The following SGCD variants were observed in gnomAD, a reference collection of about 807,000 sequenced individuals.
The protein encoded by SGCD is sarcoglycan delta, also known as delta-sarcoglycan.
A neutral mutation model predicts 36.6 loss-of-function variants in SGCD; 18 were observed. The ratio of observed to expected loss-of-function variants is 0.49; its 90% CI spans 0.34 to 0.73. SGCD has a LOEUF of 0.73. Among genes scored for constraint, SGCD ranks in the 30% least tolerant of loss-of-function variants. The pLI, the probability that SGCD is intolerant of heterozygous loss-of-function variation, is 0.01. For synonymous variants in SGCD, 133 were observed against 130.6 expected (o/e 1.02, Z -0.12); for missense variants, 387 against 346.7 (o/e 1.12, Z -0.92).
At chr5:155,919,643 T>G (rs1561650047) in intron 1 of SGCD, among the ~76,000 whole-genome samples, 1 of 152,184 alleles carries the variant, frequency 6.6e-6, no homozygotes, top group African/African-American at 2.4e-5. Flanking sequence ...CTAAAATAGA[T>G]CATTCATCAT....
chr5:155,870,035 A>G (rs1755602070), upstream of SGCD, among the ~76,000 whole-genome samples: 1 of 152,026 alleles, frequency 6.6e-6, no homozygotes, highest in Non-Finnish European at 1.5e-5. Context: ...CAAAAAGGGA[A>G]CCGTCTTGCA....
intron 3 of SGCD, among the ~76,000 whole-genome samples, chr5:156,418,862 T>C (rs1300367910): frequency 2.0e-5 from 3 of 152,234 alleles, no homozygotes; most frequent in Admixed American, 2.0e-4. Flanking sequence ...CTTCTATTGC[T>C]AGACCAGTGT....
chr5:156,615,556 T>G (rs1184288294), intron 6 of SGCD, among the ~76,000 whole-genome samples: 1 of 152,138 alleles, frequency 6.6e-6, no homozygotes, highest in Non-Finnish European at 1.5e-5. Context: ...ACGTGGCAAA[T>G]GATAATTTCA....
chr5:156,169,272 T>C (rs763635938), intron 3 of SGCD, among the ~76,000 whole-genome samples: 2 of 152,220 alleles, frequency 1.3e-5, no homozygotes, highest in Non-Finnish European at 2.9e-5. Context: ...AGGCCTCCTC[T>C]TGGGCCCCGA....
chr5:156,266,225 T>C (rs1012427817), intron 3 of SGCD, among the ~76,000 whole-genome samples: 7 of 152,244 alleles, frequency 4.6e-5, no homozygotes, highest in Admixed American at 1.3e-4. Flanking sequence ...AGGTGTTAAA[T>C]TGACTGAATG....
chr5:156,035,529 G>C (rs1759467995), intron 1 of SGCD, among the ~76,000 whole-genome samples: 1 of 152,090 alleles, frequency 6.6e-6, no homozygotes, highest in Non-Finnish European at 1.5e-5. Flanking sequence ...AGAATCACTT[G>C]AACATAGATG....
chr5:156,126,100 C>T (rs1027271865), intron 3 of SGCD, among the ~76,000 whole-genome samples: 7 of 151,878 alleles, frequency 4.6e-5, no homozygotes, highest in African/African-American at 1.5e-4. Flanking sequence ...ACGCTGGTCT[C>T]GAACTCCTGA....
At chr5:156,684,378 G>C (rs909369194) in intron 7 of SGCD, among the ~76,000 whole-genome samples, 1 of 152,130 alleles carries the variant, frequency 6.6e-6, no homozygotes, top group Non-Finnish European at 1.5e-5. Flanking sequence ...GATGAGGGTT[G>C]AATAGTCTTT....
At chr5:156,093,553 C>T (rs545894880) in intron 1 of SGCD, among the ~76,000 whole-genome samples, 124 of 152,294 alleles carry the variant, frequency 8.1e-4, no homozygotes, top group South Asian at 2.9e-3. Flanking sequence ...TTTAAACTCT[C>T]GTTTGGGCAT....
At chr5:156,567,226 A>G (rs562247167) in intron 4 of SGCD, among the ~76,000 whole-genome samples, 1 of 152,056 alleles carries the variant, frequency 6.6e-6, no homozygotes, top group South Asian at 2.1e-4. Context: ...TTTTCAATAT[A>G]TTTACTACCT....
At chr5:155,765,290 G>GAGAA in the SGCD span, among the ~76,000 whole-genome samples, 13 of 148,046 alleles carry the variant, frequency 8.8e-5, no homozygotes, top group African/African-American at 2.7e-4. Context: ...AAGAAAGAAA[G>GAGAA]AGAAAGAAAG....
intron 3 of SGCD, among the ~76,000 whole-genome samples, chr5:156,419,178 A>G (rs1468400370): frequency 6.6e-6 from 1 of 152,190 alleles, no homozygotes; most frequent in Non-Finnish European, 1.5e-5. Context: ...GTATTTGACC[A>G]CATGGGTTCA....
intron 1 of SGCD, among the ~76,000 whole-genome samples, chr5:155,958,508 C>A (rs752054275): frequency 6.6e-6 from 1 of 152,096 alleles, no homozygotes; most frequent in African/African-American, 2.4e-5. Context: ...ACTTCTCAAC[C>A]AGATTTTGTG....
At chr5:156,162,148 C>CAAGG (rs1290460487) in intron 3 of SGCD, among the ~76,000 whole-genome samples, 1 of 151,268 alleles carries the variant, frequency 6.6e-6, no homozygotes, top group African/African-American at 2.5e-5. Context: ...AGAGGTAAGC[C>CAAGG]AAGGAAGGAA....
intron 1 of SGCD, among the ~76,000 whole-genome samples, chr5:155,936,683 G>A (rs11743754): frequency 0.39 from 58,657 of 152,162 alleles, 14,062 homozygotes; most frequent in East Asian, 0.54. Context: ...CTGGCAGTCC[G>A]GCCCCCAGGT....
At chr5:156,324,072 T>C (rs568454908), upstream of SGCD, among the ~76,000 whole-genome samples, 300 of 152,290 alleles carry the variant, frequency 2.0e-3, 1 homozygote, top group South Asian at 5.4e-3. Context: ...CATATAAATA[T>C]GAAAAGCAGA....
At chr5:156,144,584 T>C (rs1185630886) in intron 3 of SGCD, among the ~76,000 whole-genome samples, 1 of 152,214 alleles carries the variant, frequency 6.6e-6, no homozygotes, top group South Asian at 2.1e-4. Context: ...TTGATGGGGT[T>C]GTTTGTTTTT....
rs574328262 is a variant in SGCD, at chr5:156,472,306, A to G, written c.193-36295A>G. ...AAAGAGCATTTACAGCAGCTTTTTC[A>G]TAATAGCTGAAAAAATAGAAATAAA... On this transcript the variant is annotated intron_variant, in intron 3 of 8. Coordinates refer to ENST00000337851, the MANE Select transcript of SGCD (RefSeq NM_000337.6). Among the ~76,000 whole-genome samples, 325 of 152,376 alleles carry G rather than the reference A, an allele frequency of 2.1e-3. 2 individuals are homozygous for G. The highest frequency in any genetic ancestry group is 2.4e-3 in the Non-Finnish European group (165 of 68,036).
intron 3 of SGCD, among the ~76,000 whole-genome samples, chr5:156,346,668 T>C (rs1348265867): frequency 6.6e-6 from 1 of 152,188 alleles, no homozygotes; most frequent in African/African-American, 2.4e-5. Flanking sequence ...GATTATATGG[T>C]CAGTTTCCAT....
Sources: gnomAD v4.1 joint callset for allele counts (sites outside exome capture counted in the v4.1 genomes callset) on GRCh38, gnomAD v4.1.1 for gene constraint, MANE v1.5 for transcripts, NCBI Gene and HGNC (gene_info 2026-07-23, HGNC 2026-07-21) for gene names.